PEMT: variants seen among roughly 807,000 people sequenced by gnomAD.
PEMT encodes phosphatidylethanolamine N-methyltransferase.
PEMT carries 23 observed loss-of-function variants against 27.4 expected under a neutral mutation model. The observed-to-expected ratio is 0.84, with a 90% CI of 0.60 to 1.19. The LOEUF is 1.19. Ranked by LOEUF, PEMT falls within the 50% of genes most tolerant of loss-of-function variation. The pLI, the probability that PEMT is intolerant of heterozygous loss-of-function variation, is 0.00. For synonymous variants in PEMT, 137 were observed against 139.1 expected (o/e 0.98, Z 0.11); for missense variants, 307 against 310.1 (o/e 0.99, Z 0.07).
chr17:17,518,198 C>T (rs1906989085), intron 3 of PEMT: 9 of 971,998 alleles, frequency 9.3e-6, no homozygotes, highest in African/African-American at 1.8e-5. Context: ...CTAACAAGCT[C>T]GGCTGTCTCC....
chr17:17,541,262 C>A (rs1908864008), intron 2 of PEMT, among the ~76,000 whole-genome samples: 1 of 152,238 alleles, frequency 6.6e-6, no homozygotes, highest in African/African-American at 2.4e-5. Flanking sequence ...CTCCCTCACG[C>A]ACGGACAGGT....
rs1045406924 is a variant in PEMT at position 17,513,234 on chromosome 17, A to G, written c.321-580T>C. Reference sequence around the variant, plus strand: ...TTTAAAGGCACTTTGGGGGCCCTTAATGTCCTCCTCCACACCTGAATTCCC... The same window carrying G: ...TTTAAAGGCACTTTGGGGGCCCTTAGTGTCCTCCTCCACACCTGAATTCCC... On this transcript the variant is annotated intron_variant, in intron 3 of 6. Coordinates refer to ENST00000255389, the MANE Select transcript of PEMT (RefSeq NM_148172.3). The surrounding 1 kb of genome is among the most constrained non-coding windows in gnomAD (Gnocchi z 4.1). Among the ~76,000 whole-genome samples, 5 of 152,192 alleles carry G rather than the reference A, an allele frequency of 3.3e-5. No homozygotes were observed. The East Asian group carries it at 5.8e-4, about 18-fold the overall frequency.
At chr17:17,532,453 A>G (rs566175742) in intron 2 of PEMT, among the ~76,000 whole-genome samples, 1 of 152,266 alleles carries the variant, frequency 6.6e-6, no homozygotes, top group African/African-American at 2.4e-5. Context: ...TAAAATACTT[A>G]AGAATAAATA....
At chr17:17,591,998 G>A, upstream of PEMT, 1 of 985,248 alleles carries the variant, frequency 1.0e-6, no homozygotes, top group East Asian at 1.1e-4. Flanking sequence ...GGCGGCGGTG[G>A]GGCTAGAGGC....
intron 2 of PEMT, among the ~76,000 whole-genome samples, chr17:17,543,338 A>G (rs1909023616): frequency 6.6e-6 from 1 of 152,210 alleles, no homozygotes; most frequent in African/African-American, 2.4e-5. Flanking sequence ...CAGAAGTCTC[A>G]ACAGGCTCAG....
intron 2 of PEMT, among the ~76,000 whole-genome samples, chr17:17,564,425 C>T (rs1410729232): frequency 2.0e-5 from 3 of 152,092 alleles, no homozygotes; most frequent in African/African-American, 4.8e-5. Context: ...TGGAAAGGAC[C>T]TTGGGAGATA....
intron 2 of PEMT, among the ~76,000 whole-genome samples, chr17:17,562,357 A>G (rs1392143606): frequency 6.6e-6 from 1 of 152,020 alleles, no homozygotes; most frequent in Non-Finnish European, 1.5e-5. Context: ...GATGACTATG[A>G]GGCTGACCAC....
intron 2 of PEMT, among the ~76,000 whole-genome samples, chr17:17,528,355 G>A (rs1907845478): frequency 1.3e-5 from 2 of 152,344 alleles, no homozygotes; most frequent in South Asian, 4.1e-4. Flanking sequence ...AGATGTGGCT[G>A]TGGCCTAACA....
chr17:17,532,221 T>C (rs1186516491), intron 2 of PEMT, among the ~76,000 whole-genome samples: 1 of 152,096 alleles, frequency 6.6e-6, no homozygotes, highest in African/African-American at 2.4e-5. Flanking sequence ...GAAAATCAAA[T>C]AAAGGCATTC....
chr17:17,562,830 A>G (rs1459752363), intron 2 of PEMT, among the ~76,000 whole-genome samples: 1 of 151,814 alleles, frequency 6.6e-6, no homozygotes, highest in East Asian at 1.9e-4. Flanking sequence ...AGAGAGAGAA[A>G]TGCCCCCAGG....
chr17:17,536,718 G>A (rs1908499557), intron 2 of PEMT, among the ~76,000 whole-genome samples: 1 of 152,240 alleles, frequency 6.6e-6, no homozygotes, highest in Non-Finnish European at 1.5e-5. Context: ...ATGAGGGCCT[G>A]CTACACCTGC....
chr17:17,572,892 A>G (rs1597953113), intron 2 of PEMT, among the ~76,000 whole-genome samples: 1 of 152,350 alleles, frequency 6.6e-6, no homozygotes, highest in African/African-American at 2.4e-5. Context: ...GCAACTGCAG[A>G]TAAAAATATT....
chr17:17,520,090 G>A (rs1306445158), intron 3 of PEMT, among the ~76,000 whole-genome samples: 3 of 152,178 alleles, frequency 2.0e-5, no homozygotes, highest in South Asian at 2.1e-4. Flanking sequence ...CTTCAGCCTC[G>A]CTGTTCCTGT....
At position 17,561,555 on chromosome 17, in the gene PEMT, T is replaced by C. The variant is rs546205087; in HGVS notation, c.204+15365A>G. Among the ~76,000 whole-genome samples, 1 of 152,274 alleles carries C rather than the reference T, an allele frequency of 6.6e-6. No individual in the cohort carries two copies. Among genetic ancestry groups the C allele is most frequent in the African/African-American group, 2.4e-5 (1 of 41,566 alleles). On this transcript the variant is annotated intron_variant, in intron 2 of 6. Transcript: ENST00000255389. The surrounding 1 kb of genome is among the most constrained non-coding windows in gnomAD (Gnocchi z 4.5). Reference sequence around the variant, plus strand: ...GGGAACAGACGAGGGTCACTGACGCTGAGCTGGCTCCAGGCACCACCCACT... The same window carrying C: ...GGGAACAGACGAGGGTCACTGACGCCGAGCTGGCTCCAGGCACCACCCACT...
At chr17:17,517,121 G>A (rs70963020) in intron 3 of PEMT, among the ~76,000 whole-genome samples, 7 of 152,300 alleles carry the variant, frequency 4.6e-5, no homozygotes, top group South Asian at 4.1e-4. Context: ...CCAGCAACCC[G>A]AAAGAGTGGA....
At chr17:17,567,120 G>C (rs1910877861) in intron 2 of PEMT, among the ~76,000 whole-genome samples, 1 of 152,222 alleles carries the variant, frequency 6.6e-6, no homozygotes, top group East Asian at 1.9e-4. Flanking sequence ...GCCATCTCTG[G>C]AGTATGAGGA....
chr17:17,590,986 C>A (rs1173013392), intron 1 of PEMT, among the ~76,000 whole-genome samples: 2 of 152,184 alleles, frequency 1.3e-5, no homozygotes, highest in East Asian at 3.9e-4. Context: ...TGCCCAGGGC[C>A]GGCTGGGAGA....
chr17:17,506,040 C>T (rs1284549523), intron 6 of PEMT, among the ~76,000 whole-genome samples, 187 bp downstream of exon 6: 3 of 152,118 alleles, frequency 2.0e-5, no homozygotes, highest in Admixed American at 6.5e-5. Flanking sequence ...GGAGAGGGGC[C>T]GGCTGCCTGC....
At chr17:17,509,916 G>A (rs1186527722) in intron 4 of PEMT, among the ~76,000 whole-genome samples, 2 of 152,056 alleles carry the variant, frequency 1.3e-5, no homozygotes, top group South Asian at 2.1e-4. Context: ...CAGGCCCTTC[G>A]CCCTCTGCTC....
Sources: gnomAD v4.1 joint callset for allele counts (sites outside exome capture counted in the v4.1 genomes callset) on GRCh38, gnomAD v4.1.1 for gene constraint, Gnocchi (gnomAD v3.1) non-coding constraint, MANE v1.5 for transcripts, NCBI Gene and HGNC (gene_info 2026-07-23, HGNC 2026-07-21) for gene names.